FBXO36: variants seen among roughly 807,000 people sequenced by gnomAD.
FBXO36 encodes F-box protein 36.
Under a neutral mutation model 17.0 loss-of-function variants are expected in FBXO36, and 18 were observed. The observed-to-expected ratio is 1.06, with a 90% CI of 0.73 to 1.57. The LOEUF (loss-of-function observed/expected upper bound fraction) is 1.57, where lower values mean the gene tolerates loss of function less well. Among genes scored for constraint, FBXO36 ranks in the 40% most tolerant of loss-of-function variants. The pLI is 0.00. For missense variants in FBXO36, 229 were observed against 221.9 expected (o/e 1.03, Z -0.20); for synonymous variants, 83 against 85.3 (o/e 0.97, Z 0.15).
intron 1 of FBXO36, among the ~76,000 whole-genome samples, chr2:229,971,893 G>A (rs142168606): frequency 6.6e-6 from 1 of 150,644 alleles, no homozygotes; most frequent in South Asian, 2.1e-4. Context: ...GACTAGGCTT[G>A]TTTTGAACTC....
chr2:230,012,612 C>G lies in FBXO36; in HGVS notation c.*1728C>G, dbSNP rs1304144484. On this transcript the variant is annotated 3_prime_UTR_variant, in exon 4 of 4. Transcript: ENST00000283946. ...AAGGTAACCAGCAGGCAGCTGAGAG[C>G]AAGAAGGCACGTGCTCTGCAGAGCT... 1 of 151,894 alleles carries G rather than the reference C, an allele frequency of 6.6e-6. No individual in the cohort carries two copies. Among genetic ancestry groups the G allele is most frequent in the East Asian group, 1.9e-4 (1 of 5,198 alleles). 9.4% of individuals were successfully genotyped at this position (151,894 alleles called of 1,614,324 possible).
intron 1 of FBXO36, among the ~76,000 whole-genome samples, chr2:229,974,706 T>A (rs552787687): frequency 6.6e-6 from 1 of 152,290 alleles, no homozygotes; most frequent in Non-Finnish European, 1.5e-5. Flanking sequence ...GAAGGATCAC[T>A]GACTGTCATT....
At position 230,011,113 on chromosome 2, in the gene FBXO36, A is replaced by T; in HGVS notation, c.*229A>T. ...ATCATGGCCCGAGGACAAGGGCTGT[A>T]AGACAGGGAGCCCCATAGGCCATCA... On this transcript the variant is annotated 3_prime_UTR_variant, in exon 4 of 4. Transcript: ENST00000283946. The T allele has an allele frequency of 6.3e-6, 3 of 477,194 alleles. No homozygotes were observed. Among genetic ancestry groups the T allele is most frequent in the Admixed American group, 3.4e-5 (1 of 29,454 alleles). 29.6% of individuals were successfully genotyped at this position (477,194 alleles called of 1,614,324 possible).
intron 1 of FBXO36, among the ~76,000 whole-genome samples, chr2:229,926,002 C>T (rs2076910030): frequency 6.6e-6 from 1 of 151,788 alleles, no homozygotes; most frequent in African/African-American, 2.4e-5. Flanking sequence ...CAAAGATTCA[C>T]TCAAGGGTTG....
chr2:230,002,825 T>C (rs965177981), intron 3 of FBXO36, among the ~76,000 whole-genome samples: 10 of 152,046 alleles, frequency 6.6e-5, no homozygotes, highest in Admixed American at 6.6e-4. Flanking sequence ...CATGATGAAA[T>C]GAGAATAATA....
chr2:229,928,973 A>ATT (rs11440617), intron 1 of FBXO36, among the ~76,000 whole-genome samples: 7,643 of 144,756 alleles, frequency 0.053, 666 homozygotes, highest in African/African-American at 0.18. Context: ...TTTTCTTTTC[A>ATT]TTTTTTTTTT....
intron 1 of FBXO36, among the ~76,000 whole-genome samples, chr2:229,963,444 CTTT>C (rs757351541): frequency 2.3e-5 from 3 of 129,234 alleles, no homozygotes; most frequent in Admixed American, 7.9e-5. Context: ...TTTCTTTTTT[CTTT>C]TTTTTTTTTT....
intron 2 of FBXO36, among the ~76,000 whole-genome samples, chr2:229,990,527 CA>C (rs1382788227): frequency 2.1e-4 from 32 of 152,136 alleles, no homozygotes; most frequent in African/African-American, 7.7e-4. Flanking sequence ...GTTAATATGG[CA>C]AATTCTGTAA....
At chr2:229,961,503 G>A (rs2077120947) in intron 1 of FBXO36, among the ~76,000 whole-genome samples, 1 of 152,134 alleles carries the variant, frequency 6.6e-6, no homozygotes, top group South Asian at 2.1e-4. Flanking sequence ...AGCTTCCTGA[G>A]TAGCTGGAAC....
chr2:229,964,018 CA>C (rs2077138257), intron 1 of FBXO36, among the ~76,000 whole-genome samples: 2 of 152,126 alleles, frequency 1.3e-5, no homozygotes, highest in African/African-American at 4.8e-5. Flanking sequence ...TAAAATTGAG[CA>C]TCTTTTTATA....
In FBXO36 at chr2:229,996,886, T is replaced by C. The variant is rs769538225; in HGVS notation, c.341T>C (p.Ile114Thr). ...TIISYLDLED[I>T]ARLCQTSHRF... ...ATTTCTTATCTGGATCTTGAAGATA[T>C]TGCCAGGCTTTGTCAAACATCACAC... The change falls in exon 3 of 4, where the codon ATT (isoleucine) becomes ACT (threonine). Residue 114 changes from isoleucine (I) to threonine (T), a missense_variant. Coordinates refer to ENST00000283946, the MANE Select transcript of FBXO36 (RefSeq NM_174899.5). 1.9e-6 allele frequency: 3 copies of C among 1,614,006 alleles called. No individual in the cohort carries two copies. The South Asian group carries it at 3.3e-5, about 18-fold the overall frequency.
intron 3 of FBXO36, among the ~76,000 whole-genome samples, chr2:229,998,844 C>T (rs898632413): frequency 6.7e-6 from 1 of 150,050 alleles, no homozygotes; most frequent in Non-Finnish European, 1.5e-5. Context: ...TGTCTGTCGC[C>T]CAGGCTGAAG....
At chr2:229,960,664 T>C (rs2077115973) in intron 1 of FBXO36, among the ~76,000 whole-genome samples, 1 of 152,174 alleles carries the variant, frequency 6.6e-6, no homozygotes, top group Non-Finnish European at 1.5e-5. Context: ...CTAATTTTTA[T>C]TTTTACTTTT....
rs1458773809 is a variant in FBXO36 at position 230,011,240 on chromosome 2, G to A, written c.*356G>A. 6.2e-6 allele frequency: 1 copy of A among 160,008 alleles called. No individual in the cohort carries two copies. The highest frequency in any genetic ancestry group is 1.4e-5 in the Non-Finnish European group (1 of 73,192). The allele number at this position is 160,008 out of a possible 1,614,324, so 9.9% of individuals were successfully genotyped here. On this transcript the variant is annotated 3_prime_UTR_variant, in exon 4 of 4. Coordinates refer to ENST00000283946, the MANE Select transcript of FBXO36 (RefSeq NM_174899.5). ...TTTATTAGACATCTATTTTATCTAG[G>A]CATTAGAAAGGGTAATGGGGCTTTT...
intron 1 of FBXO36, chr2:229,943,286 T>A (rs2077009652): frequency 6.6e-6 from 1 of 152,204 alleles, no homozygotes; most frequent in Non-Finnish European, 1.5e-5. Context: ...CTCTTTTCTT[T>A]GCTCAAATCA....
intron 1 of FBXO36, among the ~76,000 whole-genome samples, chr2:229,947,101 G>A (rs2077031088): frequency 6.6e-6 from 1 of 151,950 alleles, no homozygotes; most frequent in African/African-American, 2.4e-5. Flanking sequence ...CCGGGAGGCG[G>A]AGGTTGCAGT....
chr2:229,975,664 C>T (rs1412699914), intron 1 of FBXO36, among the ~76,000 whole-genome samples: 2 of 151,822 alleles, frequency 1.3e-5, no homozygotes, highest in Non-Finnish European at 2.9e-5. Context: ...TTTGTAGAGA[C>T]AGGGTCTCAC....
At chr2:229,934,942 T>A (rs1355335027) in intron 1 of FBXO36, among the ~76,000 whole-genome samples, 1 of 152,224 alleles carries the variant, frequency 6.6e-6, no homozygotes, top group East Asian at 1.9e-4. Context: ...CAGCCTTTCC[T>A]TTGGTTTTAC....
At chr2:230,003,899 T>G (rs1268311620) in intron 3 of FBXO36, among the ~76,000 whole-genome samples, 2 of 152,238 alleles carry the variant, frequency 1.3e-5, no homozygotes, top group Non-Finnish European at 2.9e-5. Context: ...TGGGAACCCC[T>G]TCATTGCTTC....
Sources: allele counts gnomAD v4.1 joint callset (sites outside exome capture counted in the v4.1 genomes callset), GRCh38; gene constraint gnomAD v4.1.1; transcripts MANE v1.5; gene names NCBI Gene and HGNC (gene_info 2026-07-23, HGNC 2026-07-21).